Variants in PBX1 observed in about 807,000 individuals in gnomAD.
The protein encoded by PBX1 is pre-B-cell leukemia transcription factor 1.
A neutral mutation model predicts 53.4 loss-of-function variants in PBX1; 6 were observed. The ratio of observed to expected loss-of-function variants is 0.11; its 90% CI spans 0.06 to 0.22. The LOEUF is 0.22. PBX1 is among the 10% of genes least tolerant of loss of function. The pLI is 1.00. For missense variants in PBX1, 251 were observed against 551.4 expected (o/e 0.46, Z 5.46); for synonymous variants, 204 against 212.3 (o/e 0.96, Z 0.34).
At chr1:164,756,206 C>T (rs1000015457) in intron 2 of PBX1, among the ~76,000 whole-genome samples, 7 of 152,160 alleles carry the variant, frequency 4.6e-5, no homozygotes, top group South Asian at 2.1e-4. Context: ...AATAGCACCG[C>T]GTAAGGATGG....
intron 2 of PBX1, among the ~76,000 whole-genome samples, chr1:164,759,207 A>G (rs1206613973): frequency 1.3e-5 from 2 of 152,200 alleles, no homozygotes; most frequent in African/African-American, 4.8e-5. Context: ...TACCTTAACA[A>G]TCTTTTTGCA....
At chr1:164,754,012 C>T (rs1038333395) in intron 2 of PBX1, among the ~76,000 whole-genome samples, 1 of 152,062 alleles carries the variant, frequency 6.6e-6, no homozygotes. Context: ...CGAGGAGCAG[C>T]GTGTTCCCTT....
intron 2 of PBX1, among the ~76,000 whole-genome samples, chr1:164,599,840 C>T (rs367781554): frequency 5.3e-5 from 8 of 152,148 alleles, no homozygotes; most frequent in Non-Finnish European, 1.2e-4. Flanking sequence ...TGGCTTTGTA[C>T]AAACCCCCTC....
chr1:164,731,856 C>A (rs1330380316), intron 2 of PBX1, among the ~76,000 whole-genome samples: 1 of 152,192 alleles, frequency 6.6e-6, no homozygotes, highest in African/African-American at 2.4e-5. Context: ...CTCTGCAGGT[C>A]TCTATGTATC....
intron 2 of PBX1, among the ~76,000 whole-genome samples, chr1:164,778,384 C>T (rs543624530): frequency 6.6e-6 from 1 of 152,256 alleles, no homozygotes; most frequent in South Asian, 2.1e-4. Context: ...TGGCTCACAC[C>T]TGTAATCCCA....
intron 2 of PBX1, among the ~76,000 whole-genome samples, chr1:164,587,362 G>T (rs1655019815): frequency 6.6e-6 from 1 of 152,110 alleles, no homozygotes; most frequent in African/African-American, 2.4e-5. Flanking sequence ...TACACATTGG[G>T]GGTCTTGGCT....
chr1:164,754,586 T>G (rs1445422033), intron 2 of PBX1, among the ~76,000 whole-genome samples: 4 of 152,220 alleles, frequency 2.6e-5, no homozygotes, highest in Non-Finnish European at 4.4e-5. Flanking sequence ...AAAGTGACTG[T>G]GTAAGGAGAA....
At chr1:164,572,438 G>T (rs924281517) in intron 2 of PBX1, among the ~76,000 whole-genome samples, 1 of 152,174 alleles carries the variant, frequency 6.6e-6, no homozygotes, top group Non-Finnish European at 1.5e-5. Context: ...CAGGATTTAT[G>T]TGAAATCTCT....
chr1:164,581,228 A>ATT (rs1238499791), intron 2 of PBX1, among the ~76,000 whole-genome samples: 101 of 130,742 alleles, frequency 7.7e-4, no homozygotes, highest in African/African-American at 2.7e-3. Flanking sequence ...CCCGACCGCC[A>ATT]TTTTTTTTTT....
intron 2 of PBX1, chr1:164,700,847 A>G: frequency 2.3e-6 from 1 of 434,194 alleles, no homozygotes; most frequent in Non-Finnish European, 3.1e-6. Context: ...CTTAGCTGAT[A>G]TGGACTCCCA....
intron 2 of PBX1, among the ~76,000 whole-genome samples, chr1:164,685,474 TCCTC>T (rs1424304631): frequency 1.3e-5 from 2 of 152,172 alleles, no homozygotes; most frequent in Non-Finnish European, 2.9e-5. Context: ...AGAGTCCACT[TCCTC>T]CCAGTGAACA....
At chr1:164,775,866 G>A (rs900870232) in intron 2 of PBX1, among the ~76,000 whole-genome samples, 5 of 152,060 alleles carry the variant, frequency 3.3e-5, no homozygotes, top group Non-Finnish European at 5.9e-5. Context: ...CATACATTGG[G>A]GTCTGTTTGT....
intron 2 of PBX1, among the ~76,000 whole-genome samples, chr1:164,738,852 T>A (rs1019607269): frequency 6.6e-6 from 1 of 152,236 alleles, no homozygotes; most frequent in South Asian, 2.1e-4. Flanking sequence ...CGAGGTTACA[T>A]GTCACAGTTT....
Position 164,865,821 on chromosome 1 carries a change from G to A in PBX1, n.258-33367G>A, listed in dbSNP as rs146172523. Among the ~76,000 whole-genome samples the A allele has an allele frequency of 2.3e-3, 349 of 152,278 alleles. 1 individual carries two copies. The highest frequency in any genetic ancestry group is 0.014 in the Middle Eastern group (4 of 294). ...GCCAGCATCCAGGTACAGGTGAAAT[G>A]ACAGAAAGAATTCTTGCCTCAGTGT... On this transcript the variant is annotated intron_variant and non_coding_transcript_variant, in intron 2 of 2. Coordinates refer to the PBX1 transcript ENST00000558796.
chr1:164,834,027 A>ATGTGTGTGTGTGTGTGTGTGTG (rs1289743111), intron 8 of PBX1, among the ~76,000 whole-genome samples: 1 of 79,268 alleles, frequency 1.3e-5, no homozygotes, highest in East Asian at 2.8e-4. Flanking sequence ...ATATATATGT[A>ATGTGTGTGTGTGTGTGTGTGTG]TATGTGTGTG....
intron 8 of PBX1, among the ~76,000 whole-genome samples, chr1:164,823,437 A>G (rs1010588007): frequency 1.3e-5 from 2 of 152,182 alleles, no homozygotes; most frequent in Non-Finnish European, 2.9e-5. Context: ...CATAAGCAGA[A>G]GAGAAGAACA....
At chr1:164,852,070 C>T (rs1671866314), downstream of PBX1, among the ~76,000 whole-genome samples, 1 of 152,100 alleles carries the variant, frequency 6.6e-6, no homozygotes, top group Non-Finnish European at 1.5e-5. Flanking sequence ...ACAGAGCACC[C>T]CATCTTGTCT....
intron 2 of PBX1, among the ~76,000 whole-genome samples, chr1:164,704,055 G>A (rs956328581): frequency 4.6e-5 from 7 of 152,244 alleles, no homozygotes; most frequent in Non-Finnish European, 1.0e-4. Context: ...TGCAATAGAT[G>A]CTTGTCAGAA....
intron 2 of PBX1, among the ~76,000 whole-genome samples, chr1:164,877,537 C>T (rs1672544096): frequency 6.6e-6 from 1 of 151,972 alleles, no homozygotes; most frequent in Non-Finnish European, 1.5e-5. Context: ...GTGGTGCATG[C>T]CTGTAATCCC....
Sources: gnomAD v4.1 joint callset for allele counts (sites outside exome capture counted in the v4.1 genomes callset) on GRCh38, gnomAD v4.1.1 for gene constraint, MANE v1.5 for transcripts, NCBI Gene and HGNC (gene_info 2026-07-23, HGNC 2026-07-21) for gene names.